MMP24: variants seen among roughly 807,000 people sequenced by gnomAD.
MMP24 encodes matrix metalloproteinase-24.
Under a neutral mutation model 62.8 loss-of-function variants are expected in MMP24, and 25 were observed. The observed-to-expected ratio is 0.40, with a 90% CI of 0.29 to 0.56. MMP24 has a LOEUF of 0.56. MMP24 is among the 20% of genes least tolerant of loss of function. The probability of loss-of-function intolerance (pLI) is 0.50; values close to 1 mark genes in which losing one functional copy is unlikely to be tolerated. For synonymous variants in MMP24, 319 were observed against 350.5 expected (o/e 0.91, Z 1.00); for missense variants, 634 against 853.6 (o/e 0.74, Z 3.21).
At chr20:35,234,191 C>T (rs1049014454) in intron 1 of MMP24, among the ~76,000 whole-genome samples, 6 of 152,144 alleles carry the variant, frequency 3.9e-5, no homozygotes, top group Admixed American at 1.3e-4. Context: ...GTCTCATTCT[C>T]AGCCTTCACC....
At position 35,246,972 on chromosome 20, in the gene MMP24, G is replaced by T; in HGVS notation, c.379G>T (p.Asp127Tyr). Residue 127 changes from aspartate (D) to tyrosine (Y), a missense_variant, in exon 2 of 9, where the codon GAT becomes TAT. Transcript: ENST00000246186. Reference sequence around the variant, plus strand: ...CGGGATCCCGGTCACCGGTGTGTTGGATCAGACAACGATCGAGTAAGATTT... The same window carrying T: ...CGGGATCCCGGTCACCGGTGTGTTGTATCAGACAACGATCGAGTAAGATTT... ...FYGIPVTGVL[D>Y]QTTIEWMKKP... is the part of the protein sequence containing the mutation. The T allele has an allele frequency of 6.2e-7, 1 of 1,614,034 alleles. No individual in the cohort carries two copies. Among genetic ancestry groups the T allele is most frequent in the Non-Finnish European group, 8.5e-7 (1 of 1,179,898 alleles).
chr20:35,253,270 C>CTTTTTTTTTTGTT (rs2060557275), intron 3 of MMP24, among the ~76,000 whole-genome samples: 1 of 79,078 alleles, frequency 1.3e-5, no homozygotes. Context: ...CAGAACGGGA[C>CTTTTTTTTTTGTT]TTTTTTTTTT....
At position 35,226,961 on chromosome 20, in the gene MMP24, G is replaced by GCGGAGGCGCCCTTCGC. The variant is rs2060416201; in HGVS notation, c.227_242dup (p.Gln82GlyfsTer19). 1.0e-6 allele frequency: 1 copy of GCGGAGGCGCCCTTCGC among 980,128 alleles called. No individual in the cohort carries two copies. Among genetic ancestry groups the GCGGAGGCGCCCTTCGC allele is most frequent in the Non-Finnish European group, 1.2e-6 (1 of 827,978 alleles). The allele number at this position is 980,128 out of a possible 1,614,324, so 60.7% of individuals were successfully genotyped here. On this transcript the variant is annotated frameshift_variant, in exon 1 of 9. Transcript: ENST00000246186. LOFTEE classifies it high-confidence loss of function. ...GGTGGCGGTGGCGCGGGCGGACGAG[G>GCGGAGGCGCCCTTCGC]CGGAGGCGCCCTTCGCCGGGCAGGT...
Position 35,271,449 on chromosome 20 carries a change from C to T in MMP24, c.1334-120C>T. On this transcript the variant is annotated intron_variant, in intron 7 of 8. Transcript: ENST00000246186. The surrounding 1 kb of genome is among the most constrained non-coding windows in gnomAD (Gnocchi z 4.0). ...GACTGGCCTCAGGCTTCGTGCCCTT[C>T]CCAACTCTAACTGGGCCAAGGGGCT... 1 of 1,324,532 alleles carries T rather than the reference C, an allele frequency of 7.5e-7. No individual in the cohort carries two copies. The highest frequency in any genetic ancestry group is 1.5e-5 in the South Asian group (1 of 65,566). 82.0% of individuals were successfully genotyped at this position (1,324,532 alleles called of 1,614,324 possible).
At chr20:35,239,180 A>G (rs1359338180) in intron 1 of MMP24, among the ~76,000 whole-genome samples, 1 of 151,420 alleles carries the variant, frequency 6.6e-6, no homozygotes, top group Non-Finnish European at 1.5e-5. Flanking sequence ...CCGAGTAGCT[A>G]GGATTACAGG....
At chr20:35,242,293 C>T (rs2060492145) in intron 1 of MMP24, among the ~76,000 whole-genome samples, 1 of 152,106 alleles carries the variant, frequency 6.6e-6, no homozygotes, top group Non-Finnish European at 1.5e-5. Flanking sequence ...GATCGTACCA[C>T]TGCACTCCAG....
chr20:35,227,107 G>C (rs1326024100), intron 1 of MMP24, 123 bp downstream of exon 1: 1 of 826,210 alleles, frequency 1.2e-6, no homozygotes, highest in African/African-American at 1.9e-5. Context: ...CGGCGCGCCG[G>C]GGGTCCGCGC....
chr20:35,242,040 A>G (rs1416956437), intron 1 of MMP24, among the ~76,000 whole-genome samples: 2 of 152,228 alleles, frequency 1.3e-5, no homozygotes, highest in African/African-American at 4.8e-5. Context: ...GGCAGCTTAC[A>G]TATTAAAACA....
At chr20:35,234,828 G>T (rs2146201260) in intron 1 of MMP24, among the ~76,000 whole-genome samples, 1 of 152,316 alleles carries the variant, frequency 6.6e-6, no homozygotes, top group Middle Eastern at 3.4e-3. Context: ...GATTGCTTGA[G>T]ACCAAGAGTT....
chr20:35,266,501 G>A (rs988957962), intron 5 of MMP24, among the ~76,000 whole-genome samples: 5 of 152,030 alleles, frequency 3.3e-5, no homozygotes, highest in Non-Finnish European at 7.4e-5. Context: ...GAAGAGAAGA[G>A]GACCCAAGGG....
chr20:35,248,304 CCCT>C (rs1462804990), intron 2 of MMP24, among the ~76,000 whole-genome samples: 2 of 146,826 alleles, frequency 1.4e-5, no homozygotes, highest in Admixed American at 6.7e-5. Context: ...GATTCCCCCC[CCCT>C]TTTTTTTTTT....
chr20:35,263,982 C>G, intron 5 of MMP24, 30 bp downstream of exon 5: 1 of 1,567,904 alleles, frequency 6.4e-7, no homozygotes, highest in Non-Finnish European at 8.7e-7. Flanking sequence ...GGGACTGCTC[C>G]TTCCTCGGGG....
Position 35,270,781 on chromosome 20 carries a change from C to T in MMP24, c.1334-788C>T, listed in dbSNP as rs191008542. On this transcript the variant is annotated intron_variant, in intron 7 of 8. Coordinates refer to ENST00000246186, the MANE Select transcript of MMP24 (RefSeq NM_006690.4). ...TCGGCCAGGCGCAGTGGCTCACGCC[C>T]GAAATCCCAGCACTTTGGGAGGCCA... Among the ~76,000 whole-genome samples the T allele has an allele frequency of 2.2e-3, 338 of 152,290 alleles. 1 individual carries two copies. Among genetic ancestry groups the T allele is most frequent in the African/African-American group, 7.6e-3 (315 of 41,542 alleles).
chr20:35,248,850 C>G (rs1018702741), intron 2 of MMP24, among the ~76,000 whole-genome samples: 1 of 152,140 alleles, frequency 6.6e-6, no homozygotes, highest in African/African-American at 2.4e-5. Context: ...TTGCACAGGC[C>G]TCATGGCAGT....
At chr20:35,256,161 T>C (rs537360577) in intron 4 of MMP24, 14 of 152,364 alleles carry the variant, frequency 9.2e-5, no homozygotes, top group Middle Eastern at 3.4e-3. Context: ...TTATAATGCA[T>C]AATTAAATTT....
chr20:35,255,784 GT>G, intron 4 of MMP24, among the ~76,000 whole-genome samples: 1 of 152,324 alleles, frequency 6.6e-6, no homozygotes, highest in African/African-American at 2.4e-5. Context: ...CGTCTGCAAA[GT>G]GAGGGGCTGG....
In MMP24 at chr20:35,276,179, T is replaced by G; in HGVS notation, c.*1570T>G. The G allele has an allele frequency of 2.5e-6, 1 of 398,758 alleles. No individual in the cohort carries two copies. Among genetic ancestry groups the G allele is most frequent in the Non-Finnish European group, 4.4e-6 (1 of 226,104 alleles). The allele number at this position is 398,758 out of a possible 1,614,324, so 24.7% of individuals were successfully genotyped here. On this transcript the variant is annotated 3_prime_UTR_variant, in exon 9 of 9. Transcript: ENST00000246186. The stretch of plus-strand genomic sequence containing the variant: ...ACCCTGTAGCACAGACAGGGACTCC[T>G]GCTGCCCTGGGAGCTGTCTCAAGCA...
chr20:35,273,631 A>G (rs2060685559), intron 8 of MMP24, among the ~76,000 whole-genome samples: 1 of 152,166 alleles, frequency 6.6e-6, no homozygotes, highest in African/African-American at 2.4e-5. Flanking sequence ...AGCCCTAGCC[A>G]CGGTGGGAAG....
At chr20:35,273,267 G>A (rs2060683021) in intron 8 of MMP24, among the ~76,000 whole-genome samples, 1 of 151,930 alleles carries the variant, frequency 6.6e-6, no homozygotes, top group African/African-American at 2.4e-5. Context: ...GTGGTGACAT[G>A]TGCCTGTAGT....
Sources: allele counts gnomAD v4.1 joint callset (sites outside exome capture counted in the v4.1 genomes callset), GRCh38; gene constraint gnomAD v4.1.1; non-coding constraint Gnocchi (gnomAD v3.1); transcripts MANE v1.5; gene names NCBI Gene and HGNC (gene_info 2026-07-23, HGNC 2026-07-21).